CSF1R: variants seen among roughly 807,000 people sequenced by gnomAD.
CSF1R encodes the protein colony stimulating factor 1 receptor, also known as macrophage colony-stimulating factor 1 receptor.
Under a neutral mutation model 110.0 loss-of-function variants are expected in CSF1R, and 40 were observed. The observed-to-expected ratio is 0.36, with a 90% CI of 0.28 to 0.47. The LOEUF (loss-of-function observed/expected upper bound fraction) is 0.47. Among genes scored for constraint, CSF1R ranks in the 20% least tolerant of loss-of-function variants. CSF1R has a pLI of 0.99. For synonymous variants in CSF1R, 523 were observed against 503.4 expected (o/e 1.04, Z -0.52); for missense variants, 1,052 against 1,253.0 (o/e 0.84, Z 2.42).
intron 1 of CSF1R, among the ~76,000 whole-genome samples, chr5:150,108,817 G>T (rs962208277): frequency 3.1e-5 from 4 of 129,972 alleles, no homozygotes; most frequent in African/African-American, 1.2e-4. Flanking sequence ...CTGAGCAGGT[G>T]GGGGGTGGGA....
upstream of CSF1R, among the ~76,000 whole-genome samples, chr5:150,091,129 C>A: frequency 6.6e-6 from 1 of 151,950 alleles, no homozygotes; most frequent in East Asian, 1.9e-4. Context: ...TAAAAAAAAT[C>A]GGATAACAAG....
At chr5:150,072,317 A>C (rs373566920) in intron 6 of CSF1R, among the ~76,000 whole-genome samples, 29 of 152,182 alleles carry the variant, frequency 1.9e-4, no homozygotes, top group African/African-American at 6.7e-4. Context: ...AACATGGTGA[A>C]ACTCTGTCTC....
At chr5:150,073,644 C>T (rs916053357) in intron 5 of CSF1R, 151 bp from the exon 6 acceptor site, 28 of 685,780 alleles carry the variant, frequency 4.1e-5, no homozygotes, top group Non-Finnish European at 5.9e-5. Context: ...TCTGACACCC[C>T]TCTTCTCACC....
chr5:150,078,609 T>G (rs1399765698), intron 3 of CSF1R, among the ~76,000 whole-genome samples: 2 of 152,202 alleles, frequency 1.3e-5, no homozygotes, highest in Non-Finnish European at 2.9e-5. Flanking sequence ...GCCTCTCTCC[T>G]CTGTAAACAT....
At chr5:150,081,290 C>G (rs188184628) in intron 1 of CSF1R, among the ~76,000 whole-genome samples, 3 of 152,162 alleles carry the variant, frequency 2.0e-5, no homozygotes, top group Non-Finnish European at 2.9e-5. Context: ...AGGCCTCTGT[C>G]CCCCTGGGGT....
At chr5:150,103,576 G>A (rs553681251) in intron 1 of CSF1R, among the ~76,000 whole-genome samples, 5 of 152,324 alleles carry the variant, frequency 3.3e-5, no homozygotes, top group Admixed American at 3.3e-4. Context: ...AACACATTTG[G>A]AAGCAAGCCC....
chr5:150,092,638 A>C (rs957839865), intron 1 of CSF1R, among the ~76,000 whole-genome samples: 1 of 152,154 alleles, frequency 6.6e-6, no homozygotes, highest in African/African-American at 2.4e-5. Flanking sequence ...ATGCAGGGGA[A>C]CTCCCATTTA....
At chr5:150,072,165 G>A (rs1198165305) in intron 6 of CSF1R, among the ~76,000 whole-genome samples, 1 of 152,176 alleles carries the variant, frequency 6.6e-6, no homozygotes, top group Non-Finnish European at 1.5e-5. Flanking sequence ...CTGCCCTTAA[G>A]CTGTACTGTC....
intron 1 of CSF1R, among the ~76,000 whole-genome samples, chr5:150,084,375 GA>G (rs1227299350): frequency 2.2e-5 from 1 of 44,826 alleles, no homozygotes; most frequent in Non-Finnish European, 4.2e-5. Flanking sequence ...AAGAAAGAAA[GA>G]AAGAAAGAAA....
At chr5:150,101,768 C>T (rs774628228) in intron 1 of CSF1R, among the ~76,000 whole-genome samples, 18 of 151,638 alleles carry the variant, frequency 1.2e-4, no homozygotes, top group Non-Finnish European at 1.8e-4. Flanking sequence ...CACCTAATCA[C>T]AGCCTCTCTC....
At position 150,061,798 on chromosome 5, in the gene CSF1R, T is replaced by C; in HGVS notation, c.1678A>G (p.Ser560Gly). The change falls in exon 11 of 21, where the codon AGT (serine) becomes GGT (glycine). Residue 560 changes from serine to glycine, a missense_variant. Coordinates refer to ENST00000675795, the MANE Select transcript of CSF1R (RefSeq NM_001288705.3). Reference sequence around the variant, plus strand: ...TGCGTGGGGTCGATGAAAGTATAACTGTTGCCCTCATAGCTCTCGATGATC... The same window carrying C: ...TGCGTGGGGTCGATGAAAGTATAACCGTTGCCCTCATAGCTCTCGATGATC... ...WKIIESYEGN[S>G]YTFIDPTQLP... The C allele has an allele frequency of 1.2e-6, 2 of 1,614,202 alleles. No individual in the cohort carries two copies. Among genetic ancestry groups the C allele is most frequent in the Non-Finnish European group, 1.7e-6 (2 of 1,180,036 alleles).
At position 150,068,283 on chromosome 5, in the gene CSF1R, C is replaced by A. The variant is rs752524761; in HGVS notation, c.1558G>T (p.Val520Phe). 1 of 1,613,040 alleles carries A rather than the reference C, an allele frequency of 6.2e-7. No individual in the cohort carries two copies. Among genetic ancestry groups the A allele is most frequent in the Non-Finnish European group, 8.5e-7 (1 of 1,179,958 alleles). Residue 520 changes from valine to phenylalanine, a missense_variant, in exon 10 of 21, where the codon GTC (valine) becomes TTC (phenylalanine). This residue lies in a region of CSF1R where 693 missense variants were observed against 735.4 expected (regional missense o/e 0.94). Transcript: ENST00000675795. ...PDEFLFTPVV[V>F]ACMSIMALLL... is the part of the protein sequence containing the mutation. ...AAGGCCATGATGGACATGCAGGCGA[C>A]CACCACTGGTGTGAAGAGGAACTCA...
chr5:150,080,368 G>A (rs1758480733), intron 2 of CSF1R, 32 bp from the exon 3 acceptor site: 1 of 1,599,356 alleles, frequency 6.3e-7, no homozygotes, highest in Non-Finnish European at 8.5e-7. Context: ...GGTTACAACT[G>A]CCCTCCCTCC....
chr5:150,073,458 G>A lies in CSF1R; in HGVS notation c.925C>T (p.Leu309Phe), dbSNP rs1398294489. Reference protein sequence around the residue: ...AYLNLSSEQNLIQEVTVGEGL... With the variant: ...AYLNLSSEQNFIQEVTVGEGL... ...TCCCCCACGGTCACCTCCTGGATGA[G>A]GTTCTGCTCAGAGCTCAAGTTCAAG... The change falls in exon 6 of 21, where the codon CTC becomes TTC. Residue 309 changes from leucine to phenylalanine, a missense_variant. Leu to Phe is a conservative substitution (Grantham distance 22, BLOSUM62 0). Around this residue, in one of 5 missense-constraint regions of CSF1R, gnomAD observed 693 missense variants for 735.4 expected, o/e 0.94. Transcript: ENST00000675795. 2 of 1,614,064 alleles carry A rather than the reference G, an allele frequency of 1.2e-6. No individual in the cohort carries two copies. The highest frequency in any genetic ancestry group is 1.3e-5 in the African/African-American group (1 of 75,020).
upstream of CSF1R, among the ~76,000 whole-genome samples, chr5:150,090,096 A>G (rs567665208): frequency 1.3e-5 from 2 of 152,230 alleles, no homozygotes; most frequent in African/African-American, 4.8e-5. Flanking sequence ...CATAAAGGTA[A>G]TATTCATGAC....
chr5:150,086,354 C>T, intron 1 of CSF1R, 25 bp downstream of exon 1: 1 of 1,588,658 alleles, frequency 6.3e-7, no homozygotes, highest in Admixed American at 1.7e-5. Context: ...CCAACAAAGT[C>T]CCCCACCCCC....
Position 150,070,020 on chromosome 5 carries a change from G to A in CSF1R, c.1363C>T (p.Pro455Ser), listed in dbSNP as rs2113808444. 1 of 1,614,096 alleles carries A rather than the reference G, an allele frequency of 6.2e-7. No individual in the cohort carries two copies. The highest frequency in any genetic ancestry group is 8.5e-7 in the Non-Finnish European group (1 of 1,179,990). Reference sequence around the variant, plus strand: ...AAGGGCTCCTGGCTCAGGACCTCAGGGTATGGGTCATCCCAGACCTGCAGC... The same window carrying A: ...AAGGGCTCCTGGCTCAGGACCTCAGAGTATGGGTCATCCCAGACCTGCAGC... The part of the protein sequence containing the change: ...QVLQVWDDPY[P>S]EVLSQEPFHK... Residue 455 changes from proline to serine, a missense_variant, in exon 9 of 21, where the codon CCT becomes TCT. Physicochemically the swap from Pro to Ser is moderately conservative, Grantham distance 74. This residue lies in a region of CSF1R where 693 missense variants were observed against 735.4 expected (regional missense o/e 0.94). Transcript: ENST00000675795.
chr5:150,062,961 G>T lies in CSF1R; in HGVS notation c.1627-1112C>A, dbSNP rs771937722. On this transcript the variant is annotated intron_variant, in intron 10 of 20. Coordinates refer to ENST00000675795, the MANE Select transcript of CSF1R (RefSeq NM_001288705.3). ...GCCATCATGGCTTGAGGGAAGTGGGGGGCAGATTCCAGAAACAGGAAGGCC... is the reference window on the plus strand; with the variant it reads ...GCCATCATGGCTTGAGGGAAGTGGGTGGCAGATTCCAGAAACAGGAAGGCC... Among the ~76,000 whole-genome samples the T allele has an allele frequency of 2.0e-5, 3 of 152,092 alleles. No homozygotes were observed. The South Asian group carries it at 6.2e-4, about 32-fold the overall frequency.
intron 3 of CSF1R, 56 bp downstream of exon 3, chr5:150,079,996 C>T (rs1264283670): frequency 7.0e-6 from 11 of 1,575,422 alleles, no homozygotes; most frequent in African/African-American, 1.3e-5. Flanking sequence ...CATGTGGCCG[C>T]CGGCTCTCTG....
Sources: gnomAD v4.1 joint callset for allele counts (sites outside exome capture counted in the v4.1 genomes callset) on GRCh38, gnomAD v4.1.1 for gene constraint, gnomAD v4.1.1 regional missense constraint, MANE v1.5 for transcripts, NCBI Gene and HGNC (gene_info 2026-07-23, HGNC 2026-07-21) for gene names.